Variants in MYO5B observed in about 807,000 individuals in gnomAD.
The protein encoded by MYO5B is myosin VB, also known as unconventional myosin-Vb.
Under a neutral mutation model 229.3 loss-of-function variants are expected in MYO5B, and 143 were observed. The observed-to-expected ratio is 0.62, with a 90% confidence interval of 0.54 to 0.72. The LOEUF (loss-of-function observed/expected upper bound fraction) is 0.72, where lower values mean the gene tolerates loss of function less well. MYO5B is among the 30% of genes least tolerant of loss of function. The pLI is 0.00. For missense variants in MYO5B, 2,321 were observed against 2,331.0 expected, an observed-to-expected ratio of 1.00 and a Z score of 0.09; for synonymous variants, 918 against 885.2, an observed-to-expected ratio of 1.04 and a Z score of -0.66.
intron 2 of MYO5B, among the ~76,000 whole-genome samples, chr18:50,048,507 A>G (rs1331401275): frequency 6.6e-6 from 1 of 152,186 alleles, no homozygotes; most frequent in East Asian, 1.9e-4. Flanking sequence ...GCAGAGGAAG[A>G]GAAGGGCACA....
At chr18:49,875,121 G>C (rs1249263634) in intron 26 of MYO5B, among the ~76,000 whole-genome samples, 1 of 152,190 alleles carries the variant, frequency 6.6e-6, no homozygotes, top group African/African-American at 2.4e-5. Flanking sequence ...AATGCAGCAT[G>C]GGTGCCCAGT....
chr18:50,090,059 C>A (rs1455495420), intron 1 of MYO5B, among the ~76,000 whole-genome samples: 1 of 152,190 alleles, frequency 6.6e-6, no homozygotes, highest in African/African-American at 2.4e-5. Flanking sequence ...TTCCCTCTCT[C>A]GGCTTTGGAG....
chr18:50,099,888 A>G (rs1487097385), intron 1 of MYO5B, among the ~76,000 whole-genome samples: 1 of 152,246 alleles, frequency 6.6e-6, no homozygotes, highest in African/African-American at 2.4e-5. Context: ...ACTACTATTT[A>G]CTAGGGCCCG....
At chr18:49,902,023 A>G (rs1018447111) in intron 21 of MYO5B, among the ~76,000 whole-genome samples, 2 of 152,234 alleles carry the variant, frequency 1.3e-5, no homozygotes, top group Admixed American at 1.3e-4. Flanking sequence ...AAACACCAGC[A>G]CCTTGGGCTA....
intron 1 of MYO5B, among the ~76,000 whole-genome samples, chr18:50,152,466 G>A (rs2032613939): frequency 6.6e-6 from 1 of 152,192 alleles, no homozygotes; most frequent in Admixed American, 6.5e-5. Context: ...TGATTCCAAA[G>A]GACAACTTTT....
rs569409977 is a variant in MYO5B at position 50,148,213 on chromosome 18, G to C, written c.27+46554C>G. On this transcript the variant is annotated intron_variant, in intron 1 of 39. Transcript: ENST00000285039. ...ATCAATAGCTTACCAACCAAAAAGA[G>C]TCCAGGACCAGATGGATTCACAGCC... Among the ~76,000 whole-genome samples the C allele has an allele frequency of 4.0e-5, 6 of 150,676 alleles. No homozygotes were observed. The East Asian group carries it at 9.7e-4, about 24-fold the overall frequency.
chr18:49,852,537 G>T (rs1184499135), intron 31 of MYO5B, among the ~76,000 whole-genome samples: 1 of 152,190 alleles, frequency 6.6e-6, no homozygotes, highest in Admixed American at 6.5e-5. Context: ...CCCAACCACA[G>T]ATGATCTGGT....
At chr18:50,107,287 T>C (rs1253878463) in intron 1 of MYO5B, among the ~76,000 whole-genome samples, 1 of 151,780 alleles carries the variant, frequency 6.6e-6, no homozygotes, top group Non-Finnish European at 1.5e-5. Flanking sequence ...TCACCATGCC[T>C]GGTATTTTTA....
At chr18:50,003,723 A>C (rs2026071557) in intron 4 of MYO5B, among the ~76,000 whole-genome samples, 1 of 152,316 alleles carries the variant, frequency 6.6e-6, no homozygotes, top group East Asian at 1.9e-4. Flanking sequence ...GACACCCAAA[A>C]GTATAGAGTT....
At chr18:50,041,988 G>A (rs1328840714) in intron 2 of MYO5B, among the ~76,000 whole-genome samples, 1 of 152,104 alleles carries the variant, frequency 6.6e-6, no homozygotes, top group Non-Finnish European at 1.5e-5. Context: ...ATGAACAGAT[G>A]AAAAACTATT....
chr18:50,049,999 C>G (rs1405028409), intron 2 of MYO5B, among the ~76,000 whole-genome samples: 1 of 152,054 alleles, frequency 6.6e-6, no homozygotes, highest in Admixed American at 6.6e-5. Context: ...TTTTTTTACA[C>G]TTTGACTCTT....
At chr18:49,949,037 T>C (rs1189976002) in intron 14 of MYO5B, among the ~76,000 whole-genome samples, 1 of 152,182 alleles carries the variant, frequency 6.6e-6, no homozygotes, top group Non-Finnish European at 1.5e-5. Flanking sequence ...TAAGTAGCTT[T>C]GGGCCAAGGT....
At position 50,194,833 on chromosome 18, in the gene MYO5B, G is replaced by A; in HGVS notation, c.-40C>T. On this transcript the variant is annotated 5_prime_UTR_variant, in exon 1 of 40. Transcript: ENST00000285039. ...GGGGCTCGGGCCCCGGCTCCTGGCT[G>A]CCCCGCGGCTCTCAGTCCGCGGCTG... 1 of 1,293,682 alleles carries A rather than the reference G, an allele frequency of 7.7e-7. No individual in the cohort carries two copies. The highest frequency in any genetic ancestry group is 9.7e-7 in the Non-Finnish European group (1 of 1,026,214). The allele number at this position is 1,293,682 out of a possible 1,614,324, so 80.1% of individuals were successfully genotyped here.
intron 4 of MYO5B, among the ~76,000 whole-genome samples, chr18:50,013,034 C>G (rs544681495): frequency 6.6e-6 from 1 of 152,286 alleles, no homozygotes; most frequent in South Asian, 2.1e-4. Flanking sequence ...CTAAAGTACT[C>G]TTTTATTCAT....
chr18:49,878,891 G>C, intron 24 of MYO5B, 54 bp downstream of exon 24: 1 of 1,606,142 alleles, frequency 6.2e-7, no homozygotes, highest in Non-Finnish European at 8.5e-7. Context: ...GTGGTCAGAA[G>C]CTGGACAGGA....
At chr18:49,879,266 C>T (rs1279851114) in intron 23 of MYO5B, 176 bp from the exon 24 acceptor site, 1 of 715,864 alleles carries the variant, frequency 1.4e-6, no homozygotes, top group Non-Finnish European at 2.4e-6. Flanking sequence ...TCTCATTACT[C>T]TGGCTTAGTC....
chr18:50,193,564 A>C (rs549589936), intron 1 of MYO5B, among the ~76,000 whole-genome samples: 2 of 152,252 alleles, frequency 1.3e-5, no homozygotes, highest in South Asian at 4.1e-4. Context: ...CGCGGAAGTG[A>C]CTGTTCCTAC....
At chr18:49,912,705 G>A (rs1461197267) in intron 17 of MYO5B, among the ~76,000 whole-genome samples, 1 of 152,132 alleles carries the variant, frequency 6.6e-6, no homozygotes, top group Non-Finnish European at 1.5e-5. Flanking sequence ...CGCCATGACT[G>A]TGAGTCCTCC....
At chr18:49,995,630 C>A (rs1031756233) in intron 5 of MYO5B, among the ~76,000 whole-genome samples, 7 of 152,144 alleles carry the variant, frequency 4.6e-5, no homozygotes, top group African/African-American at 1.7e-4. Flanking sequence ...TAAATAAAGC[C>A]TTAAACATCT....
Sources: allele counts gnomAD v4.1 joint callset (sites outside exome capture counted in the v4.1 genomes callset), GRCh38; gene constraint gnomAD v4.1.1; transcripts MANE v1.5; gene names NCBI Gene and HGNC (gene_info 2026-07-23, HGNC 2026-07-21).